SLCO5A1: variants seen among roughly 807,000 people sequenced by gnomAD.
The protein encoded by SLCO5A1 is solute carrier organic anion transporter family member 5A1.
Under a neutral mutation model 65.1 loss-of-function variants are expected in SLCO5A1, and 39 were observed. The ratio of observed to expected loss-of-function variants is 0.60; its 90% CI spans 0.46 to 0.78. SLCO5A1 has a LOEUF of 0.78. Ranked by LOEUF, SLCO5A1 falls within the 30% of genes least tolerant of loss-of-function variation. SLCO5A1 has a pLI of 0.00. For synonymous variants in SLCO5A1, 438 were observed against 415.7 expected (o/e 1.05, Z -0.65); for missense variants, 1,029 against 1,069.4 (o/e 0.96, Z 0.53).
intron 2 of SLCO5A1, among the ~76,000 whole-genome samples, chr8:69,778,226 GGGGTGT>G (rs1563718815): frequency 1.4e-5 from 2 of 139,060 alleles, no homozygotes; most frequent in Admixed American, 7.0e-5. Flanking sequence ...ATATATGTAT[GGGGTGT>G]GTGTGTGTGT....
chr8:69,732,524 AATG>A (rs1261048420), intron 5 of SLCO5A1, among the ~76,000 whole-genome samples: 5 of 152,196 alleles, frequency 3.3e-5, no homozygotes, highest in Non-Finnish European at 7.3e-5. Flanking sequence ...AATAAATCGA[AATG>A]ATGACAACAG....
At chr8:69,823,970 A>T (rs1820759693) in intron 2 of SLCO5A1, among the ~76,000 whole-genome samples, 1 of 152,194 alleles carries the variant, frequency 6.6e-6, no homozygotes, top group African/African-American at 2.4e-5. Context: ...GGATTAAGAA[A>T]CTCACTCAAA....
rs776092768 is a variant in SLCO5A1 at position 69,672,942 on chromosome 8, A to C, written c.2474T>G (p.Phe825Cys). 15 of 1,614,186 alleles carry C rather than the reference A, an allele frequency of 9.3e-6. No individual in the cohort carries two copies. The highest frequency in any genetic ancestry group is 1.3e-5 in the Non-Finnish European group (15 of 1,180,016). ...CGCAGAGGAACTTATTGCTTCTGGG[A>C]AGGGCCCCGGGTAGGTCTGTGCTGC... ...QCAAQTYPGPFPEAISSSADP... is the reference protein window; with the variant it reads ...QCAAQTYPGPCPEAISSSADP... Residue 825 changes from phenylalanine to cysteine, a missense_variant, in exon 10 of 10, where the codon TTC (phenylalanine) becomes TGC (cysteine). This residue lies in a region of SLCO5A1 where 258 missense variants were observed against 237.4 expected (regional missense o/e 1.09). Transcript: ENST00000260126.
intron 2 of SLCO5A1, among the ~76,000 whole-genome samples, chr8:69,797,491 C>T (rs574298413): frequency 1.9e-4 from 29 of 152,284 alleles, no homozygotes; most frequent in South Asian, 4.1e-4. Flanking sequence ...GTGAGCTGGG[C>T]GGAACAGAGC....
chr8:69,760,270 A>G (rs959323455), intron 3 of SLCO5A1, among the ~76,000 whole-genome samples: 1 of 152,220 alleles, frequency 6.6e-6, no homozygotes, highest in Non-Finnish European at 1.5e-5. Context: ...TGAGTCAAGA[A>G]CTTAAAACTC....
chr8:69,724,466 GA>G (rs1262435741), intron 5 of SLCO5A1, among the ~76,000 whole-genome samples: 6 of 152,094 alleles, frequency 3.9e-5, no homozygotes, highest in South Asian at 2.1e-4. Flanking sequence ...ACGATGACTT[GA>G]AAAAATTAAC....
intron 2 of SLCO5A1, chr8:69,794,512 C>A: frequency 2.5e-6 from 1 of 402,338 alleles, no homozygotes; most frequent in South Asian, 2.2e-5. Flanking sequence ...TTCTGATGAG[C>A]AGTATGTCAG....
chr8:69,672,933 G>A lies in SLCO5A1; in HGVS notation c.2483C>T (p.Ala828Val). The change falls in exon 10 of 10, where the codon GCA becomes GTA. Residue 828 changes from alanine to valine, a missense_variant. Physicochemically the swap from Ala to Val is moderately conservative, Grantham distance 64. Coordinates refer to ENST00000260126, the MANE Select transcript of SLCO5A1 (RefSeq NM_030958.3). ...AQTYPGPFPE[A>V]ISSSADPGLE... Reference sequence around the variant, plus strand: ...CCCCGGGTCCGCAGAGGAACTTATTGCTTCTGGGAAGGGCCCCGGGTAGGT... The same window carrying A: ...CCCCGGGTCCGCAGAGGAACTTATTACTTCTGGGAAGGGCCCCGGGTAGGT... 6.2e-7 allele frequency: 1 copy of A among 1,614,232 alleles called. No individual in the cohort carries two copies. Among genetic ancestry groups the A allele is most frequent in the Non-Finnish European group, 8.5e-7 (1 of 1,180,038 alleles).
intron 2 of SLCO5A1, among the ~76,000 whole-genome samples, chr8:69,812,482 G>A (rs1374246965): frequency 2.6e-5 from 4 of 152,162 alleles, no homozygotes; most frequent in Admixed American, 2.6e-4. Flanking sequence ...TGATCTGCAA[G>A]GTTTATGTCC....
chr8:69,729,414 G>A lies in SLCO5A1; in HGVS notation c.1423+8626C>T, dbSNP rs188178514. 5.2e-4 allele frequency among the ~76,000 whole-genome samples: 67 copies of A among 129,404 alleles called. No individual in the cohort carries two copies. In the South Asian group the frequency reaches 0.013, roughly 26 times the overall value. The allele number at this position is 129,404 out of a possible 152,430, so 84.9% of individuals were successfully genotyped here. ...AGCCGAGATCGTGCCACTGCAGTCC[G>A]GCCTGGGCGAAAGAGCGAGACTCCG... is the stretch of plus-strand genomic sequence containing the variant. On this transcript the variant is annotated intron_variant, in intron 5 of 9. Transcript: ENST00000260126.
At chr8:69,742,624 G>A (rs1168664219) in intron 4 of SLCO5A1, among the ~76,000 whole-genome samples, 1 of 152,056 alleles carries the variant, frequency 6.6e-6, no homozygotes, top group Non-Finnish European at 1.5e-5. Flanking sequence ...CCTTCCAGGT[G>A]CATATCGATG....
intron 4 of SLCO5A1, among the ~76,000 whole-genome samples, chr8:69,754,462 T>C (rs1817459913): frequency 6.6e-6 from 1 of 152,222 alleles, no homozygotes; most frequent in African/African-American, 2.4e-5. Context: ...GGCCACACTG[T>C]GTACACAGTC....
At chr8:69,826,857 T>C (rs952163502) in intron 2 of SLCO5A1, among the ~76,000 whole-genome samples, 1 of 152,136 alleles carries the variant, frequency 6.6e-6, no homozygotes, top group Admixed American at 6.5e-5. Context: ...TGTATGTTTA[T>C]TGTGGCACTA....
intron 2 of SLCO5A1, among the ~76,000 whole-genome samples, chr8:69,822,300 C>G (rs752572988): frequency 6.6e-6 from 1 of 152,108 alleles, no homozygotes; most frequent in African/African-American, 2.4e-5. Flanking sequence ...TTCAAAGGAG[C>G]TTTTACTGTC....
Position 69,710,844 on chromosome 8 carries a change from G to C in SLCO5A1, c.1424-5615C>G, listed in dbSNP as rs146277507. On this transcript the variant is annotated intron_variant, in intron 5 of 9. Transcript: ENST00000260126. ...ATGTTCTTCGGCGCCCCCATCATCT[G>C]TATCTCGCTGCACTATCAAAACAGA... 3.6e-4 allele frequency among the ~76,000 whole-genome samples: 55 copies of C among 152,274 alleles called. No homozygotes were observed. In the East Asian group the frequency reaches 9.9e-3, roughly 27 times the overall value.
At chr8:69,692,045 A>G (rs1814283743) in intron 6 of SLCO5A1, among the ~76,000 whole-genome samples, 1 of 152,164 alleles carries the variant, frequency 6.6e-6, no homozygotes, top group Non-Finnish European at 1.5e-5. Context: ...TCAGGAGATC[A>G]AGACCATCCT....
intron 5 of SLCO5A1, among the ~76,000 whole-genome samples, chr8:69,735,013 C>G (rs35446528): frequency 0.07 from 10,608 of 152,200 alleles, 457 homozygotes; most frequent in African/African-American, 0.12. Context: ...GGGCAAAGGA[C>G]ATGAACAGAC....
chr8:69,706,819 TG>T (rs1563673947), intron 5 of SLCO5A1, among the ~76,000 whole-genome samples: 1 of 152,200 alleles, frequency 6.6e-6, no homozygotes, highest in East Asian at 1.9e-4. Flanking sequence ...TTATGTTTAA[TG>T]TACTTCTGGG....
At chr8:69,675,589 AT>A (rs1813515748) in intron 9 of SLCO5A1, among the ~76,000 whole-genome samples, 1 of 152,180 alleles carries the variant, frequency 6.6e-6, no homozygotes, top group African/African-American at 2.4e-5. Context: ...CAAGCCACTC[AT>A]TAAATGGAAC....
Sources: gnomAD v4.1 joint callset for allele counts (sites outside exome capture counted in the v4.1 genomes callset) on GRCh38, gnomAD v4.1.1 for gene constraint, gnomAD v4.1.1 regional missense constraint, MANE v1.5 for transcripts, NCBI Gene and HGNC (gene_info 2026-07-23, HGNC 2026-07-21) for gene names.